The following RSRC1 variants were observed in gnomAD, a reference collection of about 807,000 sequenced individuals.
RSRC1 encodes the protein serine/Arginine-related protein 53.
RSRC1 carries 39 observed loss-of-function variants against 49.1 expected under a neutral mutation model. The ratio of observed to expected loss-of-function variants is 0.79; its 90% confidence interval spans 0.61 to 1.04. The LOEUF (loss-of-function observed/expected upper bound fraction) is 1.04. Among genes scored for constraint, RSRC1 ranks in the 50% least tolerant of loss-of-function variants. The probability of loss-of-function intolerance (pLI) is 0.00; values close to 1 mark genes in which losing one functional copy is unlikely to be tolerated. For missense variants in RSRC1, 388 were observed against 402.4 expected (o/e 0.96, Z 0.31); for synonymous variants, 143 against 130.8 (o/e 1.09, Z -0.63).
chr3:158,216,634 T>A (rs986838590), intron 4 of RSRC1, among the ~76,000 whole-genome samples: 1 of 151,662 alleles, frequency 6.6e-6, no homozygotes, highest in African/African-American at 2.4e-5. Flanking sequence ...AAAAATTGTT[T>A]AAAAAAATTT....
intron 3 of RSRC1, among the ~76,000 whole-genome samples, chr3:158,130,381 A>G (rs1715936129): frequency 6.6e-6 from 1 of 152,222 alleles, no homozygotes. Context: ...ACTTTTTGAC[A>G]CTATTGAAAA....
At chr3:158,112,767 G>A (rs750407191) in intron 1 of RSRC1, among the ~76,000 whole-genome samples, 4 of 152,142 alleles carry the variant, frequency 2.6e-5, no homozygotes, top group African/African-American at 4.8e-5. Context: ...CCCAGCATGC[G>A]TTATCTATTT....
chr3:158,231,593 G>A (rs908408024), intron 4 of RSRC1, among the ~76,000 whole-genome samples: 3 of 152,102 alleles, frequency 2.0e-5, no homozygotes, highest in African/African-American at 7.2e-5. Flanking sequence ...AGAAATCCAG[G>A]ATTGGACAAG....
At chr3:158,494,750 ACGTTAG>A (rs1162124310) in intron 7 of RSRC1, among the ~76,000 whole-genome samples, 3 of 152,160 alleles carry the variant, frequency 2.0e-5, no homozygotes, top group Non-Finnish European at 4.4e-5. Context: ...TCAAACACAT[ACGTTAG>A]CCTAAGCTTT....
intron 3 of RSRC1, among the ~76,000 whole-genome samples, chr3:158,152,312 C>T (rs975637719): frequency 3.3e-5 from 5 of 152,130 alleles, no homozygotes; most frequent in East Asian, 1.9e-4. Flanking sequence ...CTTGGCTTGC[C>T]GGGGACTTTG....
intron 4 of RSRC1, among the ~76,000 whole-genome samples, chr3:158,242,728 C>T (rs1050747159): frequency 2.0e-5 from 3 of 149,960 alleles, no homozygotes; most frequent in Non-Finnish European, 4.5e-5. Context: ...TTTTTTTTTC[C>T]CCCCTTTTAA....
chr3:158,138,535 A>G (rs915134440), intron 3 of RSRC1, among the ~76,000 whole-genome samples: 3 of 152,234 alleles, frequency 2.0e-5, no homozygotes, highest in East Asian at 1.9e-4. Flanking sequence ...AAGCACTACT[A>G]TTAGATTTAA....
chr3:158,296,106 G>T (rs1215946161), intron 4 of RSRC1, among the ~76,000 whole-genome samples: 1 of 151,946 alleles, frequency 6.6e-6, no homozygotes, highest in African/African-American at 2.4e-5. Flanking sequence ...ATAAAGTATG[G>T]ACTTATACTT....
At chr3:158,473,665 A>T (rs182330834) in intron 7 of RSRC1, among the ~76,000 whole-genome samples, 1,893 of 151,448 alleles carry the variant, frequency 0.012, 37 homozygotes, top group African/African-American at 0.043. Flanking sequence ...AGTATAATTT[A>T]AAAAAAAAGG....
chr3:158,229,707 T>C (rs1722845243), intron 4 of RSRC1, among the ~76,000 whole-genome samples: 1 of 151,994 alleles, frequency 6.6e-6, no homozygotes, highest in African/African-American at 2.4e-5. Context: ...AAAGAACTTG[T>C]ATATGCCCTT....
At chr3:158,527,436 T>C (rs1480795555) in intron 7 of RSRC1, among the ~76,000 whole-genome samples, 4 of 151,944 alleles carry the variant, frequency 2.6e-5, no homozygotes, top group Non-Finnish European at 5.9e-5. Context: ...ATAAGCAGAA[T>C]ACATCTTGTT....
intron 4 of RSRC1, among the ~76,000 whole-genome samples, chr3:158,290,961 A>C (rs1726904060): frequency 6.6e-6 from 1 of 152,190 alleles, no homozygotes; most frequent in African/African-American, 2.4e-5. Context: ...TGGGTGGCTG[A>C]GATGGGAGGA....
At chr3:158,382,906 A>G (rs552259167) in intron 6 of RSRC1, among the ~76,000 whole-genome samples, 33 of 152,296 alleles carry the variant, frequency 2.2e-4, no homozygotes, top group African/African-American at 7.7e-4. Flanking sequence ...CACCCCTACA[A>G]AGAGCTAATC....
intron 7 of RSRC1, among the ~76,000 whole-genome samples, chr3:158,467,075 C>T (rs1198768991): frequency 2.0e-5 from 3 of 152,140 alleles, no homozygotes; most frequent in Non-Finnish European, 4.4e-5. Context: ...GAAAAAAATA[C>T]TTCATAACTA....
intron 6 of RSRC1, among the ~76,000 whole-genome samples, chr3:158,387,157 A>G (rs754754020): frequency 6.6e-6 from 1 of 152,154 alleles, no homozygotes; most frequent in Non-Finnish European, 1.5e-5. Flanking sequence ...TATATGTCTC[A>G]AATACAAATA....
intron 5 of RSRC1, among the ~76,000 whole-genome samples, chr3:158,325,004 G>C (rs1387593424): frequency 6.6e-6 from 1 of 152,210 alleles, no homozygotes; most frequent in East Asian, 1.9e-4. Flanking sequence ...ATTGTTTCAT[G>C]TGTCTGTTGG....
rs71840277 is a variant in RSRC1 at position 158,334,649 on chromosome 3, TTGTG to T, written c.532-20174_532-20171del. On this transcript the variant is annotated intron_variant, in intron 5 of 9. Coordinates refer to ENST00000611884, the MANE Select transcript of RSRC1 (RefSeq NM_001271838.2). ...GCACATGACACCACACCCAGCTAAT[TTGTG>T]TGTGTGTGTGTGTGTGTGTGTGTGT... Among the ~76,000 whole-genome samples the T allele has an allele frequency of 6.7e-4, 92 of 137,534 alleles. 1 individual carries two copies. The highest frequency in any genetic ancestry group is 2.0e-3 in the South Asian group (8 of 4,008). The allele number at this position is 137,534 out of a possible 152,430, so 90.2% of individuals were successfully genotyped here.
intron 5 of RSRC1, among the ~76,000 whole-genome samples, chr3:158,299,231 GT>G (rs1281230730): frequency 6.6e-6 from 1 of 152,134 alleles, no homozygotes; most frequent in African/African-American, 2.4e-5. Flanking sequence ...ATGTTAGTTT[GT>G]AACATCACAT....
At chr3:158,379,015 A>G (rs1182592535) in intron 6 of RSRC1, among the ~76,000 whole-genome samples, 1 of 152,046 alleles carries the variant, frequency 6.6e-6, no homozygotes, top group Non-Finnish European at 1.5e-5. Context: ...AAACATATGT[A>G]CAATCTTTGT....
Sources: allele counts gnomAD v4.1 joint callset (sites outside exome capture counted in the v4.1 genomes callset), GRCh38; gene constraint gnomAD v4.1.1; transcripts MANE v1.5; gene names NCBI Gene and HGNC (gene_info 2026-07-23, HGNC 2026-07-21).